The following PCDHGA2 variants were observed in gnomAD, a reference collection of about 807,000 sequenced individuals.
The protein encoded by PCDHGA2 is protocadherin gamma subfamily A, 2.
PCDHGA2 carries 40 observed loss-of-function variants against 59.2 expected under a neutral mutation model. That is an observed-to-expected ratio of 0.68 (90% CI 0.52 to 0.88). The LOEUF (loss-of-function observed/expected upper bound fraction) is 0.88, where lower values mean the gene tolerates loss of function less well. Ranked by LOEUF, PCDHGA2 falls within the 40% of genes least tolerant of loss-of-function variation. The pLI is 0.00. For missense variants in PCDHGA2, 1,226 were observed against 1,204.0 expected (o/e 1.02, Z -0.27); for synonymous variants, 560 against 526.0 (o/e 1.06, Z -0.89).
intron 2 of PCDHGA2, among the ~76,000 whole-genome samples, chr5:141,497,894 A>AG (rs1562181617): frequency 2.0e-5 from 3 of 152,186 alleles, no homozygotes; most frequent in Admixed American, 6.5e-5. Context: ...GATCTAGTCC[A>AG]GTAACTTCAA....
rs1356357111 is a variant in PCDHGA2 at position 141,370,808 on chromosome 5, T to C, written c.2424+29413T>C. 2.5e-6 allele frequency: 4 copies of C among 1,613,950 alleles called. No individual in the cohort carries two copies. The African/African-American group carries it at 5.3e-5, about 22-fold the overall frequency. On this transcript the variant is annotated intron_variant, in intron 1 of 3. Coordinates refer to ENST00000394576, the MANE Select transcript of PCDHGA2 (RefSeq NM_018915.4). ...CACCGACCTTTAGCCAAAATATCAC[T>C]GAGCTGGAAATCAGCGAACTGGCTC...
At chr5:141,361,529 A>G in intron 1 of PCDHGA2, 1 of 1,614,030 alleles carries the variant, frequency 6.2e-7, no homozygotes, top group South Asian at 1.1e-5. Context: ...GCAGAGAACA[A>G]TCCTCCTGGC....
At chr5:141,410,715 G>C (rs1237496496) in intron 1 of PCDHGA2, 1 of 1,422,664 alleles carries the variant, frequency 7.0e-7, no homozygotes, top group Non-Finnish European at 9.4e-7. Context: ...AGAATCATAT[G>C]TTTAAAATCC....
chr5:141,357,523 T>C, intron 1 of PCDHGA2: 1 of 1,614,170 alleles, frequency 6.2e-7, no homozygotes, highest in Non-Finnish European at 8.5e-7. Context: ...CCAACCCAGC[T>C]ATGCAGACAC....
Position 141,365,210 on chromosome 5 carries a change from C to T in PCDHGA2, c.2424+23815C>T, listed in dbSNP as rs376872993. 14 of 1,613,810 alleles carry T rather than the reference C, an allele frequency of 8.7e-6. No homozygotes were observed. The African/African-American group carries it at 1.3e-4, about 15-fold the overall frequency. On this transcript the variant is annotated intron_variant, in intron 1 of 3. Coordinates refer to ENST00000394576, the MANE Select transcript of PCDHGA2 (RefSeq NM_018915.4). ...AGAAAAAATTTCGGAGACTTTCCAA[C>T]TTGATTCCAACCTGGGGGAAATCTC...
intron 1 of PCDHGA2, chr5:141,391,117 G>C (rs1180056630): frequency 6.6e-6 from 1 of 152,054 alleles, no homozygotes; most frequent in African/African-American, 2.4e-5. Flanking sequence ...TATAGCTAGA[G>C]GTCTTCTAAT....
Position 141,485,996 on chromosome 5 carries a change from G to A in PCDHGA2, c.2425-8811G>A, listed in dbSNP as rs114142606. On this transcript the variant is annotated intron_variant, in intron 1 of 3. Coordinates refer to ENST00000394576, the MANE Select transcript of PCDHGA2 (RefSeq NM_018915.4). The surrounding 1 kb of genome is among the most constrained non-coding windows in gnomAD (Gnocchi z 5.7). ...CTCAGACCCGGACCTGGGTCCCAGT[G>A]GTAACGTCACCTTTTATTTCAGTGG... The A allele has an allele frequency of 1.6e-4, 256 of 1,614,178 alleles. 1 individual carries two copies. Among genetic ancestry groups the A allele is most frequent in the Middle Eastern group, 1.5e-3 (9 of 6,062 alleles).
intron 1 of PCDHGA2, chr5:141,385,577 T>C: frequency 1.6e-6 from 2 of 1,290,108 alleles, no homozygotes; most frequent in Non-Finnish European, 2.0e-6. Context: ...TACTTTCCAA[T>C]CTATGTTCCA....
intron 1 of PCDHGA2, chr5:141,376,748 G>A (rs1210343016): frequency 4.3e-6 from 2 of 467,530 alleles, no homozygotes; most frequent in Non-Finnish European, 7.4e-6. Flanking sequence ...CTGCAGTGGC[G>A]CAATCTCGGC....
chr5:141,413,288 C>T (rs2095623576), intron 1 of PCDHGA2: 2 of 1,613,950 alleles, frequency 1.2e-6, no homozygotes, highest in East Asian at 4.5e-5. Flanking sequence ...ATCTCCTACT[C>T]AATTCCTGAG....
chr5:141,389,777 C>G (rs771585855), intron 1 of PCDHGA2: 68 of 1,613,174 alleles, frequency 4.2e-5, no homozygotes, highest in Non-Finnish European at 5.7e-5. Context: ...GTGCCTTAGG[C>G]GACAGGGACG....
chr5:141,485,922 G>C lies in PCDHGA2; in HGVS notation c.2425-8885G>C. 6.2e-7 allele frequency: 1 copy of C among 1,614,170 alleles called. No individual in the cohort carries two copies. The highest frequency in any genetic ancestry group is 8.5e-7 in the Non-Finnish European group (1 of 1,180,036). On this transcript the variant is annotated intron_variant, in intron 1 of 3. Transcript: ENST00000394576. This position sits in a 1 kb window ranked among gnomAD's most constrained non-coding sequence, Gnocchi z 5.7. The stretch of plus-strand genomic sequence containing the variant: ...TTCCAGCAATCCAGCTACAGGATTA[G>C]TGTGTTGGAGAGCGCACCAGCGGGC...
chr5:141,467,693 G>A lies in PCDHGA2; in HGVS notation c.2425-27114G>A, dbSNP rs543886467. Among the ~76,000 whole-genome samples the A allele has an allele frequency of 2.0e-4, 30 of 152,110 alleles. No individual in the cohort carries two copies. In the South Asian group the frequency reaches 5.6e-3, roughly 28 times the overall value. On this transcript the variant is annotated intron_variant, in intron 1 of 3. Transcript: ENST00000394576. ...TTTTATTTTTTTTAGACAGGGTCTGGCTCTGTTGCCCAGGCTGGAGTGTAG... is the reference window on the plus strand; with the variant it reads ...TTTTATTTTTTTTAGACAGGGTCTGACTCTGTTGCCCAGGCTGGAGTGTAG...
At chr5:141,413,637 G>T in intron 1 of PCDHGA2, 8 of 1,613,888 alleles carry the variant, frequency 5.0e-6, no homozygotes, top group Non-Finnish European at 6.8e-6. Context: ...CTGCGGGAAT[G>T]CGTTTTCCTC....
intron 1 of PCDHGA2, among the ~76,000 whole-genome samples, chr5:141,447,405 T>C (rs1045202682): frequency 6.6e-6 from 1 of 152,068 alleles, no homozygotes; most frequent in Non-Finnish European, 1.5e-5. Context: ...CCCAAAGTGC[T>C]GGGATTACAG....
In PCDHGA2 at chr5:141,486,752, C is replaced by G. The variant is rs776406247; in HGVS notation, c.2425-8055C>G. On this transcript the variant is annotated intron_variant, in intron 1 of 3. Transcript: ENST00000394576. The surrounding 1 kb of genome is among the most constrained non-coding windows in gnomAD (Gnocchi z 5.0). ...TGCTACTCGATCCTTTGACTATGAG[C>G]AAACCCAGACACTGCAGTTTGAGGT... 6.2e-7 allele frequency: 1 copy of G among 1,614,244 alleles called. No individual in the cohort carries two copies. The highest frequency in any genetic ancestry group is 1.3e-5 in the African/African-American group (1 of 75,080).
chr5:141,400,023 C>A (rs755667675), intron 1 of PCDHGA2: 38 of 1,612,754 alleles, frequency 2.4e-5, no homozygotes, highest in Non-Finnish European at 3.2e-5. Flanking sequence ...GCGACAGGGA[C>A]GCGGCCCGCC....
In PCDHGA2 at chr5:141,486,005, A is replaced by G. The variant is rs1057476811; in HGVS notation, c.2425-8802A>G. On this transcript the variant is annotated intron_variant, in intron 1 of 3. Transcript: ENST00000394576. This position sits in a 1 kb window ranked among gnomAD's most constrained non-coding sequence, Gnocchi z 5.0. Reference sequence around the variant, plus strand: ...GGACCTGGGTCCCAGTGGTAACGTCACCTTTTATTTCAGTGGTCATACCCC... The same window carrying G: ...GGACCTGGGTCCCAGTGGTAACGTCGCCTTTTATTTCAGTGGTCATACCCC... 1.9e-6 allele frequency: 3 copies of G among 1,613,936 alleles called. No homozygotes were observed. The Admixed American group carries it at 5.0e-5, about 27-fold the overall frequency.
At chr5:141,494,250 G>C (rs908660385) in intron 1 of PCDHGA2, among the ~76,000 whole-genome samples, 3 of 152,182 alleles carry the variant, frequency 2.0e-5, no homozygotes, top group African/African-American at 7.2e-5. Flanking sequence ...TTTAGCTGTG[G>C]GAAGAGATTC....
Sources: allele counts gnomAD v4.1 joint callset (sites outside exome capture counted in the v4.1 genomes callset), GRCh38; gene constraint gnomAD v4.1.1; non-coding constraint Gnocchi (gnomAD v3.1); transcripts MANE v1.5; gene names NCBI Gene and HGNC (gene_info 2026-07-23, HGNC 2026-07-21).